CDC42SE2: variants seen among roughly 807,000 people sequenced by gnomAD.
CDC42SE2 encodes CDC42 small effector protein 2.
CDC42SE2 carries 3 observed loss-of-function variants against 11.5 expected under a neutral mutation model. The ratio of observed to expected loss-of-function variants is 0.26; its 90% CI spans 0.12 to 0.67. CDC42SE2 has a LOEUF of 0.67. CDC42SE2 is among the 30% of genes least tolerant of loss of function. CDC42SE2 has a pLI of 0.80. For missense variants in CDC42SE2, 82 were observed against 106.8 expected (o/e 0.77, Z 1.02); for synonymous variants, 33 against 34.8 (o/e 0.95, Z 0.18).
chr5:131,324,187 A>G (rs965838248), intron 2 of CDC42SE2, among the ~76,000 whole-genome samples: 2 of 152,190 alleles, frequency 1.3e-5, no homozygotes, highest in East Asian at 1.9e-4. Flanking sequence ...ACATCACTGT[A>G]TGAATATCCA....
At chr5:131,318,154 G>A (rs999354143) in intron 2 of CDC42SE2, among the ~76,000 whole-genome samples, 1 of 151,934 alleles carries the variant, frequency 6.6e-6, no homozygotes, top group African/African-American at 2.4e-5. Context: ...GTCCAGGCTG[G>A]TCTTGAACTC....
At chr5:131,368,686 A>G (rs1328630612) in intron 3 of CDC42SE2, among the ~76,000 whole-genome samples, 2 of 152,200 alleles carry the variant, frequency 1.3e-5, no homozygotes, top group Non-Finnish European at 2.9e-5. Context: ...CAGTAGTATA[A>G]TGAGCCCTGT....
chr5:131,269,656 T>C (rs1408621793), intron 1 of CDC42SE2, among the ~76,000 whole-genome samples: 1 of 151,942 alleles, frequency 6.6e-6, no homozygotes, highest in Non-Finnish European at 1.5e-5. Flanking sequence ...CCCAGCTACT[T>C]GGGAGGCTGA....
chr5:131,353,376 A>G (rs1749411337), intron 2 of CDC42SE2, among the ~76,000 whole-genome samples: 1 of 150,884 alleles, frequency 6.6e-6, no homozygotes. Context: ...CCACCTCCTT[A>G]GGTCAAGCAA....
chr5:131,276,405 C>T (rs1197202112), intron 1 of CDC42SE2, among the ~76,000 whole-genome samples: 2 of 149,106 alleles, frequency 1.3e-5, no homozygotes, highest in Non-Finnish European at 3.0e-5. Context: ...GCCGAGATCT[C>T]ACCACTGCAG....
chr5:131,266,517 C>T (rs1756869861), intron 1 of CDC42SE2, among the ~76,000 whole-genome samples: 1 of 146,820 alleles, frequency 6.8e-6, no homozygotes, highest in Non-Finnish European at 1.5e-5. Flanking sequence ...TAGAGTGCAG[C>T]GGTGTGATCT....
chr5:131,268,224 G>A (rs1177638551), intron 1 of CDC42SE2, among the ~76,000 whole-genome samples: 1 of 151,236 alleles, frequency 6.6e-6, no homozygotes, highest in African/African-American at 2.4e-5. Context: ...CACCATGCCT[G>A]ACTAATTTCT....
intron 2 of CDC42SE2, among the ~76,000 whole-genome samples, chr5:131,355,774 T>A (rs1749521775): frequency 6.6e-6 from 1 of 152,188 alleles, no homozygotes; most frequent in Non-Finnish European, 1.5e-5. Flanking sequence ...TATTTTTCTT[T>A]GGAAGTTGAC....
At chr5:131,283,164 TG>T (rs1387818240) in intron 1 of CDC42SE2, among the ~76,000 whole-genome samples, 1 of 151,964 alleles carries the variant, frequency 6.6e-6, no homozygotes, top group Admixed American at 6.6e-5. Flanking sequence ...TGACCTCAGG[TG>T]ATCTGCCCGC....
At chr5:131,240,535 G>T (rs148123828), upstream of CDC42SE2, among the ~76,000 whole-genome samples, 48 of 152,256 alleles carry the variant, frequency 3.2e-4, no homozygotes, top group South Asian at 8.3e-4. Context: ...ACGCGTCGGG[G>T]TATATTAAGC....
chr5:131,384,641 TC>T (rs1750421741), intron 3 of CDC42SE2, among the ~76,000 whole-genome samples: 1 of 152,102 alleles, frequency 6.6e-6, no homozygotes, highest in South Asian at 2.1e-4. Context: ...TCTGGAAAAC[TC>T]TTAGATAATC....
chr5:131,270,117 G>A (rs1221486598), intron 1 of CDC42SE2, among the ~76,000 whole-genome samples: 3 of 151,812 alleles, frequency 2.0e-5, no homozygotes, highest in Non-Finnish European at 4.4e-5. Flanking sequence ...GCACATGCCT[G>A]TAATCCCAGC....
the CDC42SE2 span, among the ~76,000 whole-genome samples, chr5:131,210,995 G>A: frequency 2.6e-5 from 4 of 152,122 alleles, no homozygotes; most frequent in South Asian, 6.2e-4. Flanking sequence ...GCACCATCAC[G>A]CCCAGCTAAT....
the CDC42SE2 span, among the ~76,000 whole-genome samples, chr5:131,213,848 T>G: frequency 6.6e-6 from 1 of 152,238 alleles, no homozygotes; most frequent in Non-Finnish European, 1.5e-5. Context: ...GAAATCTTAC[T>G]CAATGAAACC....
chr5:131,254,296 C>T (rs967036481), intron 1 of CDC42SE2, among the ~76,000 whole-genome samples: 1 of 152,112 alleles, frequency 6.6e-6, no homozygotes. Flanking sequence ...AATCCCAGCA[C>T]TTTGGGAGCC....
intron 3 of CDC42SE2, among the ~76,000 whole-genome samples, chr5:131,381,540 C>T (rs1580789171): frequency 6.6e-6 from 1 of 152,154 alleles, no homozygotes; most frequent in Non-Finnish European, 1.5e-5. Context: ...CCAGGCTGGT[C>T]TCGAACTCTT....
chr5:131,297,709 G>A (rs1312695738), intron 1 of CDC42SE2, among the ~76,000 whole-genome samples: 1 of 151,410 alleles, frequency 6.6e-6, no homozygotes, highest in Non-Finnish European at 1.5e-5. Context: ...GACAGAGCAA[G>A]ACTCCATTTC....
chr5:131,210,841 C>G, the CDC42SE2 span, among the ~76,000 whole-genome samples: 1 of 152,102 alleles, frequency 6.6e-6, no homozygotes, highest in East Asian at 1.9e-4. Context: ...ACTCTCTAGT[C>G]TTTTTTTGTG....
At chr5:131,285,870 A>C (rs1757329370) in intron 1 of CDC42SE2, among the ~76,000 whole-genome samples, 1 of 152,168 alleles carries the variant, frequency 6.6e-6, no homozygotes, top group Admixed American at 6.6e-5. Flanking sequence ...GAGTAGAGTT[A>C]GGCTATCACA....
Sources: gnomAD v4.1 joint callset for allele counts (sites outside exome capture counted in the v4.1 genomes callset) on GRCh38, gnomAD v4.1.1 for gene constraint, MANE v1.5 for transcripts, NCBI Gene and HGNC (gene_info 2026-07-23, HGNC 2026-07-21) for gene names.